The following GOLGA1 variants were observed in gnomAD, a reference collection of about 807,000 sequenced individuals.
The protein encoded by GOLGA1 is golgin A1, also known as golgin subfamily A member 1.
In GOLGA1, 63 loss-of-function variants were observed where a neutral mutation model predicts 119.7. The ratio of observed to expected loss-of-function variants is 0.53; its 90% CI spans 0.43 to 0.65. The LOEUF is 0.65. GOLGA1 is among the 30% of genes least tolerant of loss of function. The pLI, the probability that GOLGA1 is intolerant of heterozygous loss-of-function variation, is 0.00. For missense variants in GOLGA1, 798 were observed against 912.8 expected, an observed-to-expected ratio of 0.87 and a Z score of 1.62; for synonymous variants, 318 against 333.4, an observed-to-expected ratio of 0.95 and a Z score of 0.50.
intron 15 of GOLGA1, among the ~76,000 whole-genome samples, chr9:124,897,931 G>A (rs10819004): frequency 6.6e-6 from 1 of 151,990 alleles, no homozygotes; most frequent in African/African-American, 2.4e-5. Context: ...ATTATCCAAG[G>A]TGCTTTGAAA....
intron 11 of GOLGA1, among the ~76,000 whole-genome samples, chr9:124,909,433 C>G (rs1165549320): frequency 6.6e-6 from 1 of 151,674 alleles, no homozygotes; most frequent in Non-Finnish European, 1.5e-5. Context: ...TGGTGAAGCC[C>G]TGTCTCTACT....
At chr9:124,912,080 C>T in intron 10 of GOLGA1, 54 bp from the exon 11 acceptor site, 2 of 1,556,102 alleles carry the variant, frequency 1.3e-6, no homozygotes, top group Non-Finnish European at 1.8e-6. Context: ...TTCCTTCCTT[C>T]CTGCTTTCTT....
rs1310048353 is a variant in GOLGA1 at position 124,889,465 on chromosome 9, C to G, written c.1569G>C (p.Gln523His). The change falls in exon 17 of 23, where the codon CAG becomes CAC. Residue 523 changes from glutamine to histidine, a missense_variant. By Grantham distance (24) the Gln-to-His change is conservative. Transcript: ENST00000373555. ...CCAGCTGGAGAATCTCCTGCTCTTT[C>G]TGGAGAAGCACTTCGGTTTTTTCCC... Reference protein sequence around the residue: ...NLREKTEVLLQKEQEILQLER... With the variant: ...NLREKTEVLLHKEQEILQLER... The G allele has an allele frequency of 6.2e-7, 1 of 1,613,948 alleles. No individual in the cohort carries two copies. Among genetic ancestry groups the G allele is most frequent in the South Asian group, 1.1e-5 (1 of 91,082 alleles).
intron 3 of GOLGA1, among the ~76,000 whole-genome samples, chr9:124,936,046 T>C (rs2131536068): frequency 6.6e-6 from 1 of 152,274 alleles, no homozygotes; most frequent in East Asian, 1.9e-4. Context: ...AGTTCAAAAC[T>C]TGAGAAACCC....
chr9:124,923,046 G>C, intron 8 of GOLGA1, 49 bp downstream of exon 8: 1 of 1,315,014 alleles, frequency 7.6e-7, no homozygotes, highest in African/African-American at 1.5e-5. Context: ...TAAAATCAGA[G>C]TGAATAATCA....
Position 124,889,497 on chromosome 9 carries a change from T to G in GOLGA1, c.1537A>C (p.Asn513His). 6.2e-7 allele frequency: 1 copy of G among 1,614,002 alleles called. No homozygotes were observed. Among genetic ancestry groups the G allele is most frequent in the South Asian group, 1.1e-5 (1 of 91,080 alleles). Reference protein sequence around the residue: ...LTAIIDEKEQNLREKTEVLLQ... With the variant: ...LTAIIDEKEQHLREKTEVLLQ... ...AGCACTTCGGTTTTTTCCCGCAGAT[T>G]CTGTTCCTTCTCGTCTATTATGGCT... The change falls in exon 17 of 23, where the codon AAT becomes CAT. Residue 513 changes from asparagine to histidine, a missense_variant. By Grantham distance (68) the Asn-to-His change is moderately conservative (BLOSUM62 1). Transcript: ENST00000373555.
At chr9:124,907,645 A>G (rs958848146) in intron 12 of GOLGA1, among the ~76,000 whole-genome samples, 1 of 152,238 alleles carries the variant, frequency 6.6e-6, no homozygotes, top group African/African-American at 2.4e-5. Flanking sequence ...AGGAAAGGAT[A>G]TGAATGGGCA....
chr9:124,943,666 G>A (rs1831095397), upstream of GOLGA1: 1 of 152,136 alleles, frequency 6.6e-6, no homozygotes. Flanking sequence ...TTAAACAAGT[G>A]CATTTCTGCC....
At chr9:124,891,110 C>T (rs1224392921) in intron 15 of GOLGA1, among the ~76,000 whole-genome samples, 3 of 152,192 alleles carry the variant, frequency 2.0e-5, no homozygotes, top group Non-Finnish European at 1.5e-5. Context: ...AAAATGGATT[C>T]CTTCAAGCAT....
In GOLGA1 at chr9:124,899,254, G is replaced by A. The variant is rs1830046786; in HGVS notation, c.1311+75C>T. On this transcript the variant is annotated intron_variant, in intron 14 of 22. Transcript: ENST00000373555. ...CCTAGTGCAGAGGTGGTGACACACTGTCAAGCACGAGGCTGACTTCGCTGT... is the reference window on the plus strand; with the variant it reads ...CCTAGTGCAGAGGTGGTGACACACTATCAAGCACGAGGCTGACTTCGCTGT... 6 of 1,393,454 alleles carry A rather than the reference G, an allele frequency of 4.3e-6. No individual in the cohort carries two copies. In the South Asian group the frequency reaches 5.3e-5, roughly 12 times the overall value. The allele number at this position is 1,393,454 out of a possible 1,614,324, so 86.3% of individuals were successfully genotyped here.
rs745411403 is a variant in GOLGA1 at position 124,929,277 on chromosome 9, C to T, written c.240G>A (p.Gln80=). 3 of 1,607,364 alleles carry T rather than the reference C, an allele frequency of 1.9e-6. No homozygotes were observed. The highest frequency in any genetic ancestry group is 2.6e-6 in the Non-Finnish European group (3 of 1,173,916). Residue 80 remains glutamine (Q), a synonymous_variant, in exon 5 of 23, where the codon CAG becomes CAA. Transcript: ENST00000373555. The part of the protein sequence containing the change: ...LEARLSDYAE[Q]VRNLQKIKEK... ...CTTTTATCTTCTGCAAGTTTCGGAC[C>T]TGTTCAGCATAGTCTTGGGTGAGGA...
At chr9:124,894,842 A>G (rs527765522) in intron 15 of GOLGA1, among the ~76,000 whole-genome samples, 1 of 152,234 alleles carries the variant, frequency 6.6e-6, no homozygotes, top group Non-Finnish European at 1.5e-5. Context: ...CTTATCATGC[A>G]TATTTGCAGC....
upstream of GOLGA1, among the ~76,000 whole-genome samples, chr9:124,942,284 C>T (rs553721886): frequency 3.3e-5 from 5 of 152,158 alleles, no homozygotes; most frequent in Middle Eastern, 3.2e-3. Flanking sequence ...CAAAAAGTCA[C>T]GGTCCAAATC....
intron 7 of GOLGA1, among the ~76,000 whole-genome samples, chr9:124,925,020 C>T (rs1488904731): frequency 6.7e-6 from 1 of 150,366 alleles, no homozygotes. Context: ...GCAGAGCTTG[C>T]AGTGAGCCAA....
In GOLGA1 at chr9:124,919,625, T is replaced by C. The variant is rs560205233; in HGVS notation, c.843+1504A>G. ...ACTTAGGTATCTGTAAGTATGATAA[T>C]ACTTAGCTAAGACCTCTATTGACAA... On this transcript the variant is annotated intron_variant, in intron 10 of 22. Transcript: ENST00000373555. Among the ~76,000 whole-genome samples the C allele has an allele frequency of 2.0e-5, 3 of 152,334 alleles. No homozygotes were observed. The South Asian group carries it at 6.2e-4, about 32-fold the overall frequency.
rs1830576182 is a variant in GOLGA1 at position 124,921,830 on chromosome 9, T to A, written c.624A>T (p.Glu208Asp). Residue 208 changes from glutamate (E) to aspartate (D), a missense_variant, in exon 9 of 23, where the codon GAA becomes GAT. Transcript: ENST00000373555. The part of the protein sequence containing the change: ...MEQELEARTR[E>D]LSRTQEELMN... Reference sequence around the variant, plus strand: ...TCAACTCCTCCTGGGTACGACTAAGTTCTCTGGTTCGTGCCTCCAATTCTT... The same window carrying A: ...TCAACTCCTCCTGGGTACGACTAAGATCTCTGGTTCGTGCCTCCAATTCTT... 4 of 1,613,328 alleles carry A rather than the reference T, an allele frequency of 2.5e-6. No homozygotes were observed. The highest frequency in any genetic ancestry group is 1.7e-4 in the Middle Eastern group (1 of 6,060).
At chr9:124,921,611 G>T in intron 9 of GOLGA1, 112 bp downstream of exon 9, 1 of 859,302 alleles carries the variant, frequency 1.2e-6, no homozygotes, top group Non-Finnish European at 1.9e-6. Flanking sequence ...AGAAGCCTTT[G>T]CCAGCACCGG....
upstream of GOLGA1, among the ~76,000 whole-genome samples, chr9:124,941,695 T>G (rs1472511725): frequency 6.6e-6 from 1 of 152,244 alleles, no homozygotes; most frequent in South Asian, 2.1e-4. Context: ...GTTCTTACTA[T>G]GTAATGCACT....
chr9:124,942,936 T>A (rs2131556017), upstream of GOLGA1: 1 of 152,364 alleles, frequency 6.6e-6, no homozygotes, highest in African/African-American at 2.4e-5. Flanking sequence ...ACTCTGAAAT[T>A]CATTTAGTGA....
Sources: allele counts gnomAD v4.1 joint callset (sites outside exome capture counted in the v4.1 genomes callset), GRCh38; gene constraint gnomAD v4.1.1; transcripts MANE v1.5; gene names NCBI Gene and HGNC (gene_info 2026-07-23, HGNC 2026-07-21).